The following MROH1 variants were observed in gnomAD, a reference collection of about 807,000 sequenced individuals.
MROH1 encodes the protein maestro heat-like repeat-containing protein family member 1.
MROH1 carries 117 observed loss-of-function variants against 116.5 expected under a neutral mutation model. The ratio of observed to expected loss-of-function variants is 1.00; its 90% CI spans 0.86 to 1.17. The LOEUF is 1.17. Ranked by LOEUF, MROH1 falls within the 50% of genes most tolerant of loss-of-function variation. MROH1 has a pLI of 0.00. For synonymous variants in MROH1, 921 were observed against 583.9 expected (o/e 1.58, Z -8.32); for missense variants, 1,873 against 1,338.5 (o/e 1.40, Z -6.23).
In MROH1 at chr8:144,247,675, G is replaced by A. The variant is rs1842130036; in HGVS notation, c.3116G>A (p.Gly1039Asp). The part of the protein sequence containing the change: ...AILFHTCHSV[G>D]QIIAKRLPPD... ...CTCTTCCACACCTGCCACAGTGTAG[G>A]CCAGGTACCAGCTGGGAGCTCTGCG... Residue 1039 changes from glycine (G) to aspartate (D), a missense_variant, in exon 31 of 44, where the codon GGC becomes GAC. Gly to Asp is a moderately conservative substitution (Grantham distance 94). Coordinates refer to ENST00000326134, the MANE Select transcript of MROH1 (RefSeq NM_032450.3). The A allele has an allele frequency of 3.9e-6, 3 of 765,098 alleles. No homozygotes were observed. Among genetic ancestry groups the A allele is most frequent in the Admixed American group, 1.7e-5 (1 of 58,560 alleles). 47.4% of individuals were successfully genotyped at this position (765,098 alleles called of 1,614,324 possible).
intron 12 of MROH1, among the ~76,000 whole-genome samples, chr8:144,206,258 A>G (rs536630124): frequency 4.4e-4 from 67 of 152,232 alleles, no homozygotes; most frequent in African/African-American, 1.4e-3. Context: ...GTTGAGTTCC[A>G]TGTAGATGGG....
intron 14 of MROH1, among the ~76,000 whole-genome samples, chr8:144,237,361 G>A (rs1056419672): frequency 1.1e-4 from 16 of 152,224 alleles, no homozygotes; most frequent in Non-Finnish European, 2.1e-4. Flanking sequence ...GCAGGCCCCT[G>A]TCCTGAGGCC....
intron 29 of MROH1, among the ~76,000 whole-genome samples, chr8:144,246,692 G>T (rs1048868819): frequency 4.5e-4 from 68 of 152,304 alleles, no homozygotes; most frequent in Non-Finnish European, 7.8e-4. Context: ...CCAGGATCCT[G>T]TGCAAGGGTA....
At chr8:144,219,891 C>G (rs1836331587) in intron 12 of MROH1, among the ~76,000 whole-genome samples, 1 of 152,182 alleles carries the variant, frequency 6.6e-6, no homozygotes, top group Non-Finnish European at 1.5e-5. Context: ...GAGGCTGTGT[C>G]TAGCTCTGCC....
At chr8:144,178,801 G>A (rs906391146) in intron 4 of MROH1, among the ~76,000 whole-genome samples, 10 of 152,154 alleles carry the variant, frequency 6.6e-5, no homozygotes, top group African/African-American at 1.7e-4. Flanking sequence ...GTGCCCCCGC[G>A]GGTCCCAGCT....
At chr8:144,232,792 C>CTATTTATTTATT (rs113198206) in intron 14 of MROH1, among the ~76,000 whole-genome samples, 63 of 138,018 alleles carry the variant, frequency 4.6e-4, no homozygotes, top group Admixed American at 2.9e-3. Flanking sequence ...CGCACCTGGC[C>CTATTTATTTATT]TATTTATTTA....
rs774960104 is a variant in MROH1 at position 144,218,572 on chromosome 8, T to C, written c.1142-2028T>C. Among the ~76,000 whole-genome samples, 139 of 151,446 alleles carry C rather than the reference T, an allele frequency of 9.2e-4. 1 individual carries two copies. Among genetic ancestry groups the C allele is most frequent in the Middle Eastern group, 3.4e-3 (1 of 294 alleles). ...CCTTTGCTGTGTCCACCACAGTGGC[T>C]GTCCTTCCAGCTCAATTCATACTAT... On this transcript the variant is annotated intron_variant, in intron 12 of 43. Transcript: ENST00000326134.
chr8:144,196,260 A>C (rs1829869532), intron 10 of MROH1, among the ~76,000 whole-genome samples: 1 of 149,872 alleles, frequency 6.7e-6, no homozygotes, highest in African/African-American at 2.4e-5. Context: ...ACCTCATTCC[A>C]GCCCGGGTGA....
chr8:144,183,149 G>A lies in MROH1; in HGVS notation c.562+2626G>A, dbSNP rs150429634. Among the ~76,000 whole-genome samples, 27 of 152,212 alleles carry A rather than the reference G, an allele frequency of 1.8e-4. 1 individual carries two copies. The highest frequency in any genetic ancestry group is 6.5e-4 in the African/African-American group (27 of 41,546). ...TCCCAGTACTTTGGGAGGCCAAAAT[G>A]GGAGGATCACTTGAGCCCAGGAATT... is the stretch of plus-strand genomic sequence containing the variant. On this transcript the variant is annotated intron_variant, in intron 7 of 43. Coordinates refer to ENST00000326134, the MANE Select transcript of MROH1 (RefSeq NM_032450.3).
At position 144,180,037 on chromosome 8, in the gene MROH1, G is replaced by T; in HGVS notation, c.301-141G>T. On this transcript the variant is annotated intron_variant, in intron 5 of 43. Transcript: ENST00000326134. This position sits in a 1 kb window ranked among gnomAD's most constrained non-coding sequence, Gnocchi z 7.4. ...TCTCCTCAGCAGCCCCTCAGCAGAG[G>T]AGGCTGTGCCCGCCACCTTCCCTGA... The T allele has an allele frequency of 1.0e-6, 1 of 982,050 alleles. No homozygotes were observed. Among genetic ancestry groups the T allele is most frequent in the East Asian group, 2.4e-5 (1 of 40,940 alleles). 60.8% of individuals were successfully genotyped at this position (982,050 alleles called of 1,614,324 possible).
At chr8:144,241,213 T>TGC (rs2132911314) in intron 21 of MROH1, 102 bp downstream of exon 21, 5 of 700,486 alleles carry the variant, frequency 7.1e-6, no homozygotes, top group East Asian at 5.4e-5. Flanking sequence ...TGCCTGTGTG[T>TGC]GCGTGTGTGC....
chr8:144,173,707 G>T, intron 4 of MROH1, among the ~76,000 whole-genome samples: 1 of 152,190 alleles, frequency 6.6e-6, no homozygotes, highest in Non-Finnish European at 1.5e-5. Context: ...ACAGGCCTGA[G>T]CCACTCCGCC....
At chr8:144,186,149 C>A (rs1472109908) in intron 7 of MROH1, among the ~76,000 whole-genome samples, 2 of 141,700 alleles carry the variant, frequency 1.4e-5, no homozygotes, top group Non-Finnish European at 3.0e-5. Flanking sequence ...GAGACAGGGT[C>A]TCACTCTGTC....
At chr8:144,153,675 G>C (rs1208301038) in intron 1 of MROH1, among the ~76,000 whole-genome samples, 3 of 152,210 alleles carry the variant, frequency 2.0e-5, no homozygotes, top group Non-Finnish European at 4.4e-5. Flanking sequence ...ACCCATGGCA[G>C]TGCAGATGTC....
rs1303655733 is a variant in MROH1, at chr8:144,261,691, T to G, written c.4877T>G (p.Val1626Gly). 1.4e-6 allele frequency: 1 copy of G among 727,798 alleles called. No individual in the cohort carries two copies. The highest frequency in any genetic ancestry group is 1.7e-5 in the African/African-American group (1 of 57,684). 45.1% of individuals were successfully genotyped at this position (727,798 alleles called of 1,614,324 possible). A position where few individuals can be genotyped will look rare whatever the true frequency, so the allele number is the denominator to read the frequency against. The change falls in exon 44 of 44, where the codon GTG becomes GGG. Residue 1626 changes from valine to glycine, a missense_variant. Val to Gly is a moderately radical substitution (Grantham distance 109). Coordinates refer to ENST00000326134, the MANE Select transcript of MROH1 (RefSeq NM_032450.3). ...CTGCTGAAGGACCCGGCCCCCGAGG[T>G]GCGGACGAGGGCTGCTGAGGCCCTG... ...QILLKDPAPE[V>G]RTRAAEALGR...
intron 1 of MROH1, among the ~76,000 whole-genome samples, chr8:144,157,241 A>G (rs951186001): frequency 7.2e-5 from 11 of 152,140 alleles, no homozygotes; most frequent in Middle Eastern, 3.4e-3. Flanking sequence ...GCCACCATGT[A>G]CAGCTAATTT....
chr8:144,169,643 T>C (rs1821939594), intron 4 of MROH1, among the ~76,000 whole-genome samples: 1 of 147,974 alleles, frequency 6.8e-6, no homozygotes, highest in Non-Finnish European at 1.5e-5. Flanking sequence ...TTTTATTATT[T>C]ATTTATATAT....
intron 4 of MROH1, chr8:144,175,560 C>G (rs1393261044): frequency 2.3e-5 from 23 of 985,196 alleles, no homozygotes; most frequent in African/African-American, 3.5e-5. Context: ...TCTGCGACGT[C>G]CCAGGTGGGG....
chr8:144,228,055 G>C (rs766347243), intron 14 of MROH1, among the ~76,000 whole-genome samples: 2 of 151,832 alleles, frequency 1.3e-5, no homozygotes, highest in Non-Finnish European at 2.9e-5. Flanking sequence ...AATGTAACCA[G>C]ACCTCATCTC....
Sources: allele counts gnomAD v4.1 joint callset (sites outside exome capture counted in the v4.1 genomes callset), GRCh38; gene constraint gnomAD v4.1.1; non-coding constraint Gnocchi (gnomAD v3.1); transcripts MANE v1.5; gene names NCBI Gene and HGNC (gene_info 2026-07-23, HGNC 2026-07-21).